The following BTBD7 variants were observed in gnomAD, a reference collection of about 807,000 sequenced individuals.
The protein encoded by BTBD7 is BTB/POZ domain-containing protein 7.
In BTBD7, 38 loss-of-function variants were observed where a neutral mutation model predicts 99.9. That is an observed-to-expected ratio of 0.38 (90% confidence interval 0.29 to 0.50). The LOEUF (loss-of-function observed/expected upper bound fraction) is 0.50, where lower values mean the gene tolerates loss of function less well. Among genes scored for constraint, BTBD7 ranks in the 20% least tolerant of loss-of-function variants. The pLI is 0.93. For missense variants in BTBD7, 1,170 were observed against 1,394.6 expected, an observed-to-expected ratio of 0.84 and a Z score of 2.57; for synonymous variants, 520 against 511.4, an observed-to-expected ratio of 1.02 and a Z score of -0.23.
chr14:93,330,169 T>G (rs1342162659), intron 1 of BTBD7, among the ~76,000 whole-genome samples: 2 of 152,164 alleles, frequency 1.3e-5, no homozygotes, highest in Non-Finnish European at 2.9e-5. Context: ...GCCTCCAAAC[T>G]TTCAAAGGCT....
chr14:93,271,095 G>C (rs2052595861), intron 3 of BTBD7, among the ~76,000 whole-genome samples: 1 of 152,138 alleles, frequency 6.6e-6, no homozygotes, highest in Non-Finnish European at 1.5e-5. Context: ...TGACTGTATT[G>C]CTGCATGTTA....
chr14:93,298,933 G>A (rs1251698374), intron 1 of BTBD7, among the ~76,000 whole-genome samples: 2 of 152,182 alleles, frequency 1.3e-5, no homozygotes, highest in Admixed American at 1.3e-4. Flanking sequence ...GGATAGCTGG[G>A]GTTTCACCTT....
intron 9 of BTBD7, among the ~76,000 whole-genome samples, chr14:93,248,219 A>T (rs2052334466): frequency 6.6e-6 from 1 of 152,126 alleles, no homozygotes; most frequent in South Asian, 2.1e-4. Flanking sequence ...TGGTTAAGTA[A>T]CTCATTCCAA....
chr14:93,251,281 T>C (rs2052364797), intron 8 of BTBD7, among the ~76,000 whole-genome samples, 182 bp downstream of exon 8: 1 of 152,164 alleles, frequency 6.6e-6, no homozygotes, highest in African/African-American at 2.4e-5. Flanking sequence ...CACTTAGTAA[T>C]ACAAAATAAA....
chr14:93,242,124 TA>T lies in BTBD7; in HGVS notation c.*148del. The T allele has an allele frequency of 1.5e-6, 1 of 670,798 alleles. No homozygotes were observed. The highest frequency in any genetic ancestry group is 2.5e-6 in the Non-Finnish European group (1 of 403,816). The allele number at this position is 670,798 out of a possible 1,614,324, so 41.6% of individuals were successfully genotyped here. A position where few individuals can be genotyped will look rare whatever the true frequency, so the allele number is the denominator to read the frequency against. ...CAAAACCTTCTTAGCATGCCATGTCTAATAAACACATATATACACAAAAACT... is the reference window on the plus strand; with the variant it reads ...CAAAACCTTCTTAGCATGCCATGTCTATAAACACATATATACACAAAAACT... On this transcript the variant is annotated 3_prime_UTR_variant, in exon 11 of 11. Coordinates refer to ENST00000334746, the MANE Select transcript of BTBD7 (RefSeq NM_001002860.4).
At chr14:93,276,124 G>A (rs1489592657) in intron 3 of BTBD7, among the ~76,000 whole-genome samples, 2 of 152,216 alleles carry the variant, frequency 1.3e-5, no homozygotes, top group Non-Finnish European at 2.9e-5. Flanking sequence ...GCTGAGGTGG[G>A]AGAATTGATT....
chr14:93,269,288 T>C (rs910973633), intron 3 of BTBD7, among the ~76,000 whole-genome samples: 6 of 152,162 alleles, frequency 3.9e-5, no homozygotes, highest in Non-Finnish European at 5.9e-5. Flanking sequence ...TAATACAACT[T>C]TGTCAAGGTT....
chr14:93,311,088 G>C (rs943968273), intron 1 of BTBD7, among the ~76,000 whole-genome samples: 2 of 152,148 alleles, frequency 1.3e-5, no homozygotes, highest in East Asian at 3.8e-4. Context: ...AAAACAATTA[G>C]TAATAGCTTC....
intron 1 of BTBD7, among the ~76,000 whole-genome samples, chr14:93,330,345 C>G (rs1473304321): frequency 6.6e-6 from 1 of 152,182 alleles, no homozygotes; most frequent in Admixed American, 6.5e-5. Flanking sequence ...TTTCCCTCCC[C>G]CTAAGCTAAT....
intron 1 of BTBD7, among the ~76,000 whole-genome samples, chr14:93,322,046 C>A (rs1195231015): frequency 6.6e-6 from 1 of 151,912 alleles, no homozygotes; most frequent in Non-Finnish European, 1.5e-5. Context: ...AAGATATGAG[C>A]CATAGGATCC....
chr14:93,269,041 A>G (rs2052573613), intron 3 of BTBD7, among the ~76,000 whole-genome samples: 1 of 152,082 alleles, frequency 6.6e-6, no homozygotes. Context: ...TTACAGGTGT[A>G]AGCCACTGCA....
At chr14:93,303,792 G>A (rs939011746) in intron 1 of BTBD7, among the ~76,000 whole-genome samples, 2 of 152,166 alleles carry the variant, frequency 1.3e-5, no homozygotes, top group Non-Finnish European at 2.9e-5. Flanking sequence ...TCCTCTTGAA[G>A]CAACAGATGG....
At chr14:93,270,616 A>C (rs1040282276) in intron 3 of BTBD7, among the ~76,000 whole-genome samples, 2 of 151,772 alleles carry the variant, frequency 1.3e-5, no homozygotes, top group Admixed American at 1.3e-4. Context: ...AATCACTTGA[A>C]TCCAGGAGGC....
chr14:93,253,652 C>T lies in BTBD7; in HGVS notation c.1747G>A (p.Ala583Thr), dbSNP rs2052393507. Residue 583 changes from alanine (A) to threonine (T), a missense_variant, in exon 7 of 11, where the codon GCA becomes ACA. By Grantham distance (58) the Ala-to-Thr change is moderately conservative. Coordinates refer to ENST00000334746, the MANE Select transcript of BTBD7 (RefSeq NM_001002860.4). The part of the protein sequence containing the change: ...PRLFSPYVEE[A>T]KSVLDEMMVE... Reference sequence around the variant, plus strand: ...CTTCAAATGGTTTTCATTACCTTTGCTTCTTCCACATAGGGAGAGAAGAGT... The same window carrying T: ...CTTCAAATGGTTTTCATTACCTTTGTTTCTTCCACATAGGGAGAGAAGAGT... The T allele has an allele frequency of 2.5e-6, 4 of 1,609,172 alleles. No homozygotes were observed. The highest frequency in any genetic ancestry group is 8.5e-7 in the Non-Finnish European group (1 of 1,176,520).
rs956784183 is a variant in BTBD7, at chr14:93,253,107, C to T, written c.1752+540G>A. On this transcript the variant is annotated intron_variant, in intron 7 of 10. Coordinates refer to ENST00000334746, the MANE Select transcript of BTBD7 (RefSeq NM_001002860.4). ...ATTAGATGTTTCATTTTCACATTAC[C>T]GTATTTTCTGGGACAGTTCTTTATG... Among the ~76,000 whole-genome samples, 18 of 152,102 alleles carry T rather than the reference C, an allele frequency of 1.2e-4. 1 individual carries two copies. Among genetic ancestry groups the T allele is most frequent in the Admixed American group, 1.0e-3 (16 of 15,270 alleles).
chr14:93,327,657 C>T (rs1046566005), intron 1 of BTBD7, among the ~76,000 whole-genome samples: 2 of 152,246 alleles, frequency 1.3e-5, no homozygotes, highest in Admixed American at 1.3e-4. Flanking sequence ...ATATAAAAAA[C>T]TCATGTTAGT....
chr14:93,273,420 C>T (rs1488804143), intron 3 of BTBD7, among the ~76,000 whole-genome samples: 27 of 152,234 alleles, frequency 1.8e-4, no homozygotes, highest in Admixed American at 1.8e-3. Flanking sequence ...GACCCTATTT[C>T]TTGCAGCTGC....
At position 93,330,967 on chromosome 14, in the gene BTBD7, T is replaced by A. The variant is rs182568900; in HGVS notation, c.-107+1853A>T. On this transcript the variant is annotated intron_variant, in intron 1 of 10. Transcript: ENST00000334746. The stretch of plus-strand genomic sequence containing the variant: ...AAAACAATACAGTAGTCAGGTTTTG[T>A]GGGACAGAATATTGACCTATGAGTT... 3.9e-4 allele frequency among the ~76,000 whole-genome samples: 59 copies of A among 152,334 alleles called. 1 individual carries two copies. The highest frequency in any genetic ancestry group is 3.3e-3 in the East Asian group (17 of 5,182).
intron 1 of BTBD7, among the ~76,000 whole-genome samples, chr14:93,312,334 C>G (rs769094190): frequency 5.9e-5 from 9 of 152,180 alleles, no homozygotes; most frequent in Non-Finnish European, 1.3e-4. Context: ...TAATGCTCAT[C>G]ATCAGCTTAA....
Sources: allele counts gnomAD v4.1 joint callset (sites outside exome capture counted in the v4.1 genomes callset), GRCh38; gene constraint gnomAD v4.1.1; transcripts MANE v1.5; gene names NCBI Gene and HGNC (gene_info 2026-07-23, HGNC 2026-07-21).